RBM20: variants seen among roughly 807,000 people sequenced by gnomAD.
RBM20 encodes RNA-binding protein 20.
A neutral mutation model predicts 110.1 loss-of-function variants in RBM20; 51 were observed. The observed-to-expected ratio is 0.46, with a 90% CI of 0.37 to 0.59. The LOEUF (loss-of-function observed/expected upper bound fraction) is 0.59, where lower values mean the gene tolerates loss of function less well. RBM20 is among the 20% of genes least tolerant of loss of function. The pLI, the probability that RBM20 is intolerant of heterozygous loss-of-function variation, is 0.00. For synonymous variants in RBM20, 589 were observed against 618.2 expected (o/e 0.95, Z 0.70); for missense variants, 1,512 against 1,574.9 (o/e 0.96, Z 0.68).
intron 1 of RBM20, among the ~76,000 whole-genome samples, chr10:110,758,679 G>A (rs1302963135): frequency 1.3e-5 from 2 of 152,220 alleles, no homozygotes; most frequent in South Asian, 2.1e-4. Context: ...ATAATCGCTA[G>A]TCACATGTGG....
At chr10:110,831,284 C>T in intron 13 of RBM20, 102 bp downstream of exon 13, 1 of 1,295,052 alleles carries the variant, frequency 7.7e-7, no homozygotes, top group African/African-American at 1.5e-5. Context: ...CTGAGTCTAG[C>T]TCCTACCTGC....
chr10:110,726,543 T>C (rs1843562271), intron 1 of RBM20, among the ~76,000 whole-genome samples: 1 of 152,208 alleles, frequency 6.6e-6, no homozygotes, highest in South Asian at 2.1e-4. Flanking sequence ...GATCAAGTGA[T>C]GGCCCTCTAA....
chr10:110,712,305 G>A (rs1049669508), intron 1 of RBM20, among the ~76,000 whole-genome samples: 5 of 152,154 alleles, frequency 3.3e-5, no homozygotes, highest in Admixed American at 2.6e-4. Context: ...GTGTGGTTGT[G>A]TATAGCAGTA....
intron 12 of RBM20, among the ~76,000 whole-genome samples, chr10:110,829,646 CT>C (rs1291184149): frequency 2.6e-5 from 4 of 152,208 alleles, no homozygotes; most frequent in African/African-American, 9.7e-5. Flanking sequence ...CAAGTCTAGG[CT>C]GCTTCCTTCT....
At chr10:110,679,739 C>T (rs1170770374) in intron 1 of RBM20, among the ~76,000 whole-genome samples, 1 of 152,186 alleles carries the variant, frequency 6.6e-6, no homozygotes, top group East Asian at 1.9e-4. Flanking sequence ...CTGTCTGCAG[C>T]GTGGCTGTTT....
At chr10:110,796,094 C>T (rs544742325) in intron 5 of RBM20, among the ~76,000 whole-genome samples, 1 of 152,178 alleles carries the variant, frequency 6.6e-6, no homozygotes, top group Non-Finnish European at 1.5e-5. Context: ...GTATTAGATT[C>T]CCACAAACTT....
chr10:110,660,266 G>C (rs776316323), intron 1 of RBM20, among the ~76,000 whole-genome samples: 11 of 152,082 alleles, frequency 7.2e-5, no homozygotes, highest in Non-Finnish European at 1.5e-4. Flanking sequence ...AAAAGAAGCT[G>C]CCTGGAAAAT....
At chr10:110,789,927 G>C (rs1052780846) in intron 5 of RBM20, among the ~76,000 whole-genome samples, 3 of 152,140 alleles carry the variant, frequency 2.0e-5, no homozygotes, top group African/African-American at 7.2e-5. Context: ...TTGTGTACCT[G>C]CCCGAGGTGC....
At chr10:110,698,314 C>A (rs118029909) in intron 1 of RBM20, among the ~76,000 whole-genome samples, 2,788 of 152,306 alleles carry the variant, frequency 0.018, 45 homozygotes, top group Non-Finnish European at 0.029. Context: ...ATGGCAGATA[C>A]CCAGGACACA....
At chr10:110,832,536 TA>T (rs889452250) in intron 13 of RBM20, among the ~76,000 whole-genome samples, 34 of 147,234 alleles carry the variant, frequency 2.3e-4, no homozygotes, top group African/African-American at 6.0e-4. Flanking sequence ...CACCCCTAGT[TA>T]AAAAAAAAAC....
chr10:110,729,441 C>T (rs1843596980), intron 1 of RBM20, among the ~76,000 whole-genome samples: 1 of 152,108 alleles, frequency 6.6e-6, no homozygotes, highest in Non-Finnish European at 1.5e-5. Flanking sequence ...AGGTTCACAC[C>T]CTCTTATTTA....
At chr10:110,794,746 CTT>C (rs1225192873) in intron 5 of RBM20, among the ~76,000 whole-genome samples, 1 of 152,194 alleles carries the variant, frequency 6.6e-6, no homozygotes, top group East Asian at 1.9e-4. Context: ...CAGAAGATGT[CTT>C]TTTAAAATTT....
At position 110,821,885 on chromosome 10, in the gene RBM20, C is replaced by G. The variant is rs772708424; in HGVS notation, c.3266C>G (p.Pro1089Arg). The G allele has an allele frequency of 9.7e-5, 150 of 1,551,720 alleles. 2 individuals are homozygous for G. The South Asian group carries it at 1.2e-3, about 12-fold the overall frequency. ...GSPLEEKASP[P>R]IETDLQNQAC... The stretch of plus-strand genomic sequence containing the variant: ...CCCCTGGAGGAGAAAGCCAGCCCCC[C>G]CATCGAAACTGACCTCCAAAACCAA... Residue 1089 changes from proline (P) to arginine (R), a missense_variant, in exon 11 of 14, where the codon CCC becomes CGC. Pro to Arg is a moderately radical substitution (Grantham distance 103, BLOSUM62 -2). This residue lies in a region of RBM20 where 358 missense variants were observed against 384.2 expected (regional missense o/e 0.93). Transcript: ENST00000369519.
chr10:110,781,845 T>C lies in RBM20; in HGVS notation c.1236T>C (p.His412=), dbSNP rs892831520. The change falls in exon 2 of 14, where the codon CAT becomes CAC. Residue 412 remains histidine, a synonymous_variant. Transcript: ENST00000369519. Reference sequence around the variant, plus strand: ...GTGTGGCCCCCCTCCACTTGCCGCATATCTGTAGCATCTGTGACAAGAAGG... The same window carrying C: ...GTGTGGCCCCCCTCCACTTGCCGCACATCTGTAGCATCTGTGACAAGAAGG... ...FHGVAPLHLP[H]ICSICDKKVF... The C allele has an allele frequency of 7.7e-6, 12 of 1,551,768 alleles. No homozygotes were observed. The highest frequency in any genetic ancestry group is 1.0e-5 in the Non-Finnish European group (12 of 1,147,012).
chr10:110,776,767 G>A (rs369506281), intron 1 of RBM20, among the ~76,000 whole-genome samples: 1 of 152,208 alleles, frequency 6.6e-6, no homozygotes, highest in East Asian at 1.9e-4. Flanking sequence ...GCCTCTGTGG[G>A]TTAGAATGTG....
At chr10:110,733,086 G>A (rs972147989) in intron 1 of RBM20, among the ~76,000 whole-genome samples, 11 of 152,066 alleles carry the variant, frequency 7.2e-5, no homozygotes, top group African/African-American at 2.4e-4. Context: ...TCTCAGCACC[G>A]TCACCACCGT....
intron 1 of RBM20, among the ~76,000 whole-genome samples, chr10:110,725,753 A>G (rs1230018508): frequency 1.3e-5 from 2 of 152,198 alleles, no homozygotes; most frequent in African/African-American, 4.8e-5. Flanking sequence ...TATTGCGGGG[A>G]GGCAGCGTTA....
intron 13 of RBM20, among the ~76,000 whole-genome samples, chr10:110,832,707 T>G (rs1289413863): frequency 1.3e-5 from 2 of 152,234 alleles, no homozygotes; most frequent in Non-Finnish European, 2.9e-5. Context: ...CTACTATACT[T>G]GTCTTGGAAA....
Position 110,681,212 on chromosome 10 carries a change from C to T in RBM20, c.191+36567C>T, listed in dbSNP as rs149673284. Among the ~76,000 whole-genome samples the T allele has an allele frequency of 2.9e-3, 440 of 152,330 alleles. 4 individuals carry two copies. The highest frequency in any genetic ancestry group is 0.01 in the African/African-American group (418 of 41,572). On this transcript the variant is annotated intron_variant, in intron 1 of 13. Transcript: ENST00000369519. The stretch of plus-strand genomic sequence containing the variant: ...CAGAACTGGCCCGGAATCCCAGGGA[C>T]ACACTGTCTCCCCCTGCTGTTAGAC...
Sources: allele counts gnomAD v4.1 joint callset (sites outside exome capture counted in the v4.1 genomes callset), GRCh38; gene constraint gnomAD v4.1.1; regional missense constraint gnomAD v4.1.1; transcripts MANE v1.5; gene names NCBI Gene and HGNC (gene_info 2026-07-23, HGNC 2026-07-21).